Variants in SEPTIN9 observed in about 807,000 individuals in gnomAD.
SEPTIN9 encodes the protein septin-9.
SEPTIN9 carries 13 observed loss-of-function variants against 56.6 expected under a neutral mutation model. That is an observed-to-expected ratio of 0.23 (90% CI 0.15 to 0.37). The LOEUF (loss-of-function observed/expected upper bound fraction) is 0.37. Ranked by LOEUF, SEPTIN9 falls within the 10% of genes least tolerant of loss-of-function variation. The pLI is 1.00. For synonymous variants in SEPTIN9, 332 were observed against 334.1 expected (o/e 0.99, Z 0.07); for missense variants, 650 against 823.1 (o/e 0.79, Z 2.57).
chr17:77,480,608 C>T (rs2039416440), intron 3 of SEPTIN9, among the ~76,000 whole-genome samples: 1 of 152,226 alleles, frequency 6.6e-6, no homozygotes, highest in Non-Finnish European at 1.5e-5. Context: ...GCTCACTTGC[C>T]TGTCACGGGG....
intron 2 of SEPTIN9, among the ~76,000 whole-genome samples, chr17:77,384,970 T>G (rs977894625): frequency 6.6e-6 from 1 of 152,166 alleles, no homozygotes; most frequent in Non-Finnish European, 1.5e-5. Flanking sequence ...TTTTTCCCTT[T>G]GTTTTTGTGC....
At chr17:77,304,778 T>C (rs537631346) in intron 1 of SEPTIN9, among the ~76,000 whole-genome samples, 30 of 152,238 alleles carry the variant, frequency 2.0e-4, no homozygotes, top group African/African-American at 7.0e-4. Flanking sequence ...AGTGCACTGA[T>C]GGTGTGTGCG....
chr17:77,294,713 T>C (rs1426490170), intron 1 of SEPTIN9: 1 of 152,832 alleles, frequency 6.5e-6, no homozygotes. Flanking sequence ...GACTCCACAT[T>C]GAAGGAACTG....
rs915905303 is a variant in SEPTIN9 at position 77,482,796 on chromosome 17, C to T, written c.913+461C>T. 2.9e-5 allele frequency: 16 copies of T among 546,954 alleles called. No individual in the cohort carries two copies. The East Asian group carries it at 4.8e-4, about 16-fold the overall frequency. The allele number at this position is 546,954 out of a possible 1,614,324, so 33.9% of individuals were successfully genotyped here. On this transcript the variant is annotated intron_variant, in intron 4 of 11. Coordinates refer to ENST00000427177, the MANE Select transcript of SEPTIN9 (RefSeq NM_001113491.2). ...ATTGGGGCCTCGTGGCTTCCACACC[C>T]CCTGGTGGCCCCGGAGAGCTGGAGG... is the stretch of plus-strand genomic sequence containing the variant.
chr17:77,497,806 G>T (rs2040335542), intron 11 of SEPTIN9, among the ~76,000 whole-genome samples: 1 of 152,048 alleles, frequency 6.6e-6, no homozygotes, highest in Admixed American at 6.5e-5. Flanking sequence ...GGGAAGCCCT[G>T]ATGGAGAGGG....
At chr17:77,296,852 C>T (rs1478327812) in intron 1 of SEPTIN9, among the ~76,000 whole-genome samples, 1 of 149,608 alleles carries the variant, frequency 6.7e-6, no homozygotes, top group African/African-American at 2.5e-5. Flanking sequence ...GACTCCATCT[C>T]AAAAAGAAAA....
At chr17:77,441,441 T>G (rs1453185149) in intron 3 of SEPTIN9, among the ~76,000 whole-genome samples, 1 of 152,248 alleles carries the variant, frequency 6.6e-6, no homozygotes, top group Non-Finnish European at 1.5e-5. Context: ...GCCCCCATGC[T>G]TAGACACTTC....
At chr17:77,362,472 G>T (rs372382345) in intron 2 of SEPTIN9, among the ~76,000 whole-genome samples, 1 of 152,226 alleles carries the variant, frequency 6.6e-6, no homozygotes, top group Non-Finnish European at 1.5e-5. Context: ...TTCCTCCTCT[G>T]ACTGGGTGCT....
Position 77,453,704 on chromosome 17 carries a change from C to A in SEPTIN9, c.722-28440C>A, listed in dbSNP as rs867232205. ...GGACTTTCACCCCGGAAGCCCTAGA[C>A]CCACTTGGGCAACCAGAGTCTCTGG... is the stretch of plus-strand genomic sequence containing the variant. On this transcript the variant is annotated intron_variant, in intron 3 of 11. Coordinates refer to ENST00000427177, the MANE Select transcript of SEPTIN9 (RefSeq NM_001113491.2). This position sits in a 1 kb window ranked among gnomAD's most constrained non-coding sequence, Gnocchi z 4.4. 1 of 152,304 alleles carries A rather than the reference C, an allele frequency of 6.6e-6. No homozygotes were observed. Among genetic ancestry groups the A allele is most frequent in the Non-Finnish European group, 1.5e-5 (1 of 68,098 alleles). The allele number at this position is 152,304 out of a possible 1,614,324, so 9.4% of individuals were successfully genotyped here. A position where few individuals can be genotyped will look rare whatever the true frequency, so the allele number is the denominator to read the frequency against.
intron 4 of SEPTIN9, chr17:77,482,726 C>CCA: frequency 3.4e-6 from 2 of 587,978 alleles, no homozygotes; most frequent in South Asian, 4.1e-5. Context: ...CCACCGCACC[C>CCA]CGGCCAGAGG....
chr17:77,335,536 A>G (rs886607520), intron 2 of SEPTIN9, among the ~76,000 whole-genome samples: 1 of 150,562 alleles, frequency 6.6e-6, no homozygotes, highest in South Asian at 2.1e-4. Flanking sequence ...GTATATGTAC[A>G]TATATACATG....
At chr17:77,457,999 C>T (rs571786557) in intron 3 of SEPTIN9, among the ~76,000 whole-genome samples, 1 of 152,360 alleles carries the variant, frequency 6.6e-6, no homozygotes, top group African/African-American at 2.4e-5. Flanking sequence ...TGTGCCCCCA[C>T]AGGCTTCCTG....
At chr17:77,390,103 A>T (rs960391419) in intron 2 of SEPTIN9, among the ~76,000 whole-genome samples, 5 of 151,886 alleles carry the variant, frequency 3.3e-5, no homozygotes, top group Admixed American at 3.3e-4. Flanking sequence ...CAAGAAGAGG[A>T]CCCAAGGCCC....
At chr17:77,408,240 G>A (rs1478626584) in intron 3 of SEPTIN9, among the ~76,000 whole-genome samples, 1 of 152,248 alleles carries the variant, frequency 6.6e-6, no homozygotes, top group Non-Finnish European at 1.5e-5. Context: ...GGCATCTGCA[G>A]AGGTGGCTGG....
At chr17:77,464,762 G>A (rs1277194857) in intron 3 of SEPTIN9, among the ~76,000 whole-genome samples, 2 of 151,654 alleles carry the variant, frequency 1.3e-5, no homozygotes, top group Admixed American at 6.6e-5. Context: ...CACCACACCC[G>A]GCTAATTTTT....
intron 3 of SEPTIN9, among the ~76,000 whole-genome samples, chr17:77,431,707 G>A (rs534372390): frequency 1.6e-4 from 24 of 152,170 alleles, no homozygotes; most frequent in Non-Finnish European, 2.6e-4. Context: ...GCACATGCCT[G>A]TGCTCCCAGC....
intron 2 of SEPTIN9, among the ~76,000 whole-genome samples, chr17:77,362,545 C>G (rs1598255294): frequency 6.6e-6 from 1 of 152,220 alleles, no homozygotes; most frequent in East Asian, 1.9e-4. Flanking sequence ...TATTGAGTCT[C>G]TACTCCATGA....
At chr17:77,334,421 C>CAAA (rs34122443) in intron 2 of SEPTIN9, among the ~76,000 whole-genome samples, 2 of 92,266 alleles carry the variant, frequency 2.2e-5, no homozygotes, top group African/African-American at 4.2e-5. Context: ...GACTCTGTCT[C>CAAA]AAAAAAAAAA....
At chr17:77,444,859 TA>T in intron 3 of SEPTIN9, 1 of 315,996 alleles carries the variant, frequency 3.2e-6, no homozygotes, top group Non-Finnish European at 6.4e-6. Flanking sequence ...GGTGTAGACC[TA>T]CTTTGAGAGG....
Sources: gnomAD v4.1 joint callset for allele counts (sites outside exome capture counted in the v4.1 genomes callset) on GRCh38, gnomAD v4.1.1 for gene constraint, Gnocchi (gnomAD v3.1) non-coding constraint, MANE v1.5 for transcripts, NCBI Gene and HGNC (gene_info 2026-07-23, HGNC 2026-07-21) for gene names.